Variants in SHISA9 observed in about 807,000 individuals in gnomAD.
SHISA9 encodes protein shisa-9.
A neutral mutation model predicts 38.0 loss-of-function variants in SHISA9; 13 were observed. The observed-to-expected ratio is 0.34, with a 90% CI of 0.22 to 0.54. SHISA9 has a LOEUF of 0.54. Ranked by LOEUF, SHISA9 falls within the 20% of genes least tolerant of loss-of-function variation. The pLI, the probability that SHISA9 is intolerant of heterozygous loss-of-function variation, is 0.91. For synonymous variants in SHISA9, 275 were observed against 242.0 expected (o/e 1.14, Z -1.27); for missense variants, 538 against 575.8 (o/e 0.93, Z 0.67).
intron 2 of SHISA9, among the ~76,000 whole-genome samples, chr16:13,037,088 CCACACACACACACACACACAGACA>C (rs2073079076): frequency 7.7e-6 from 1 of 129,656 alleles, no homozygotes; most frequent in African/African-American, 3.1e-5. Context: ...ACACACCACA[CCACACACACACACACACACAGACA>C]CACACACACA....
the SHISA9 span, among the ~76,000 whole-genome samples, chr16:13,412,958 CAAAT>C: frequency 0.028 from 4,238 of 151,498 alleles, 72 homozygotes; most frequent in African/African-American, 0.042. Flanking sequence ...AATGCATACA[CAAAT>C]AAATAAATAA....
chr16:13,519,867 G>C, the SHISA9 span, among the ~76,000 whole-genome samples: 1 of 152,046 alleles, frequency 6.6e-6, no homozygotes, highest in Admixed American at 6.6e-5. Flanking sequence ...ACCTCCTACC[G>C]GGTCCCCATC....
the SHISA9 span, among the ~76,000 whole-genome samples, chr16:13,537,730 G>A: frequency 6.6e-6 from 1 of 152,228 alleles, no homozygotes; most frequent in East Asian, 1.9e-4. Flanking sequence ...CAAAAAGGAT[G>A]CATTGTACCA....
intron 2 of SHISA9, among the ~76,000 whole-genome samples, chr16:12,949,927 T>C (rs1454317252): frequency 1.3e-5 from 2 of 152,338 alleles, no homozygotes; most frequent in Admixed American, 1.3e-4. Flanking sequence ...TTATTAATTA[T>C]AGTTACCCTA....
the SHISA9 span, among the ~76,000 whole-genome samples, chr16:13,282,956 T>C: frequency 6.6e-6 from 1 of 152,144 alleles, no homozygotes; most frequent in Non-Finnish European, 1.5e-5. Context: ...TGTTTGAAAA[T>C]CTTTGTCTGC....
At chr16:13,477,746 C>T in the SHISA9 span, among the ~76,000 whole-genome samples, 3 of 152,176 alleles carry the variant, frequency 2.0e-5, no homozygotes, top group African/African-American at 7.2e-5. Flanking sequence ...AGGTGGATCA[C>T]TTGAGGTCAG....
rs2051422545 is a variant in SHISA9, at chr16:13,240,099, C to T, written c.*4690C>T. 1 of 152,324 alleles carries T rather than the reference C, an allele frequency of 6.6e-6. No individual in the cohort carries two copies. The highest frequency in any genetic ancestry group is 2.4e-5 in the African/African-American group (1 of 41,456). The allele number at this position is 152,324 out of a possible 1,614,324, so 9.4% of individuals were successfully genotyped here. On this transcript the variant is annotated 3_prime_UTR_variant, in exon 5 of 5. Coordinates refer to ENST00000558583, the MANE Select transcript of SHISA9 (RefSeq NM_001145204.3). The stretch of plus-strand genomic sequence containing the variant: ...GTTTCCAACCCAATGGGACCAGAGT[C>T]TGACTTCCCTTTGCCCTTTCACAGT...
intron 2 of SHISA9, among the ~76,000 whole-genome samples, chr16:12,944,400 C>G (rs2071662802): frequency 6.6e-6 from 1 of 152,204 alleles, no homozygotes; most frequent in Admixed American, 6.5e-5. Flanking sequence ...GACAGTCAGT[C>G]AATACATGCT....
chr16:13,115,301 C>A (rs565577507), intron 2 of SHISA9, among the ~76,000 whole-genome samples: 231 of 152,256 alleles, frequency 1.5e-3, no homozygotes, highest in Non-Finnish European at 2.5e-3. Flanking sequence ...GGTCTCACAG[C>A]CTTCAGAGCT....
the SHISA9 span, among the ~76,000 whole-genome samples, chr16:13,474,540 C>T: frequency 1.7e-3 from 255 of 152,284 alleles, 1 homozygote; most frequent in African/African-American, 5.6e-3. Context: ...GTTCTAGGTA[C>T]TGTGGACCTA....
the SHISA9 span, among the ~76,000 whole-genome samples, chr16:13,285,180 G>A: frequency 6.6e-6 from 1 of 151,906 alleles, no homozygotes; most frequent in Non-Finnish European, 1.5e-5. Context: ...CATTTCCTTA[G>A]CAGCCTGCTC....
At chr16:12,919,071 ATGAACAGATGATT>A (rs1243386251) in intron 2 of SHISA9, among the ~76,000 whole-genome samples, 1 of 152,202 alleles carries the variant, frequency 6.6e-6, no homozygotes, top group Non-Finnish European at 1.5e-5. Flanking sequence ...GTATGTTCAG[ATGAACAGATGATT>A]TGAGGAGTGC....
intron 2 of SHISA9, among the ~76,000 whole-genome samples, chr16:12,921,287 G>A (rs1399635346): frequency 3.3e-5 from 5 of 152,238 alleles, no homozygotes; most frequent in Non-Finnish European, 5.9e-5. Flanking sequence ...TATTCCAGCC[G>A]GTCACACCCT....
intron 2 of SHISA9, among the ~76,000 whole-genome samples, chr16:13,187,328 C>CTTTTTTTTTTTTTTTTTTTTTTTTTTTTT (rs372286181): frequency 1.1e-5 from 1 of 90,684 alleles, no homozygotes; most frequent in Non-Finnish European, 2.2e-5. Context: ...CTTTTCTTTT[C>CTTTTTTTTTTTTTTTTTTTTTTTTTTTTT]TTTTTTTTTT....
chr16:12,935,803 T>C (rs191862600), intron 2 of SHISA9, among the ~76,000 whole-genome samples: 2 of 150,048 alleles, frequency 1.3e-5, no homozygotes, highest in African/African-American at 4.9e-5. Flanking sequence ...AAGCAGAGAT[T>C]GTGCCACTGT....
the SHISA9 span, among the ~76,000 whole-genome samples, chr16:13,258,075 G>C: frequency 2.6e-5 from 4 of 152,124 alleles, no homozygotes; most frequent in Non-Finnish European, 4.4e-5. Flanking sequence ...GCATCTGTAA[G>C]GCCGTGTAAT....
At chr16:13,087,147 CTTTTT>C (rs956913326) in intron 2 of SHISA9, among the ~76,000 whole-genome samples, 3 of 81,626 alleles carry the variant, frequency 3.7e-5, no homozygotes, top group African/African-American at 4.8e-5. Context: ...ATGAACTCGT[CTTTTT>C]TTTTTTTTTT....
chr16:13,367,152 A>C, the SHISA9 span, among the ~76,000 whole-genome samples: 1 of 151,790 alleles, frequency 6.6e-6, no homozygotes, highest in African/African-American at 2.4e-5. Context: ...TAAACCAACT[A>C]CAGTACTAGG....
chr16:12,934,480 A>G (rs1262286673), intron 2 of SHISA9, among the ~76,000 whole-genome samples: 1 of 152,246 alleles, frequency 6.6e-6, no homozygotes, highest in African/African-American at 2.4e-5. Context: ...TGATATATCC[A>G]TTAAACACCT....
Sources: allele counts gnomAD v4.1 joint callset (sites outside exome capture counted in the v4.1 genomes callset), GRCh38; gene constraint gnomAD v4.1.1; transcripts MANE v1.5; gene names NCBI Gene and HGNC (gene_info 2026-07-23, HGNC 2026-07-21).